Variants in WDR64 observed in about 807,000 individuals in gnomAD.
WDR64 encodes WD repeat domain 64, also known as WD repeat-containing protein 64.
In WDR64, 112 loss-of-function variants were observed where a neutral mutation model predicts 139.3. The observed-to-expected ratio is 0.80, with a 90% CI of 0.69 to 0.94. WDR64 has a LOEUF of 0.94. Among genes scored for constraint, WDR64 ranks in the 40% least tolerant of loss-of-function variants. The pLI, the probability that WDR64 is intolerant of heterozygous loss-of-function variation, is 0.00. For synonymous variants in WDR64, 444 were observed against 437.7 expected, an observed-to-expected ratio of 1.01 and a Z score of -0.18; for missense variants, 1,206 against 1,293.1, an observed-to-expected ratio of 0.93 and a Z score of 1.03.
chr1:241,763,403 T>C (rs1419778373), intron 15 of WDR64, among the ~76,000 whole-genome samples: 1 of 152,204 alleles, frequency 6.6e-6, no homozygotes, highest in Non-Finnish European at 1.5e-5. Context: ...ACTTTAAAAT[T>C]ATAGATTGAA....
At chr1:241,771,798 T>C in intron 19 of WDR64, 101 bp downstream of exon 19, 1 of 597,588 alleles carries the variant, frequency 1.7e-6, no homozygotes, top group South Asian at 6.3e-5. Flanking sequence ...TATTCCTTAA[T>C]ATATAAATTC....
chr1:241,718,788 G>C (rs1161970137), intron 9 of WDR64, among the ~76,000 whole-genome samples: 3 of 152,224 alleles, frequency 2.0e-5, no homozygotes, highest in African/African-American at 7.2e-5. Flanking sequence ...TCTCTTCCTG[G>C]CTTGTAGACA....
rs557773467 is a variant in WDR64 at position 241,725,795 on chromosome 1, C to T, written c.1194+2359C>T. ...CGCTGTGAGTGTAAAATACACAAGA[C>T]TCCAAAGATTCACTATCCCCCCACT... On this transcript the variant is annotated intron_variant, in intron 10 of 27. Coordinates refer to ENST00000437684, the MANE Select transcript of WDR64 (RefSeq NM_001367482.1). Among the ~76,000 whole-genome samples the T allele has an allele frequency of 2.6e-5, 4 of 152,174 alleles. No individual in the cohort carries two copies. In the South Asian group the frequency reaches 8.3e-4, roughly 32 times the overall value.
intron 10 of WDR64, among the ~76,000 whole-genome samples, chr1:241,728,823 CT>C (rs66478639): frequency 0.28 from 41,587 of 148,596 alleles, 5,909 homozygotes; most frequent in South Asian, 0.34. Context: ...TTCTCTTCTT[CT>C]TTTTTTTTTT....
intron 1 of WDR64, among the ~76,000 whole-genome samples, chr1:241,659,722 C>T (rs1665748292): frequency 6.6e-6 from 1 of 151,976 alleles, no homozygotes; most frequent in African/African-American, 2.4e-5. Flanking sequence ...GAGAAGTGTT[C>T]GTTCATGTCC....
chr1:241,717,834 C>T (rs190738318), intron 9 of WDR64, among the ~76,000 whole-genome samples: 1,542 of 152,094 alleles, frequency 0.01, 14 homozygotes, highest in African/African-American at 0.035. Flanking sequence ...TGTATCAGTT[C>T]CTCTCCCCTA....
In WDR64 at chr1:241,656,401, A is replaced by G. The variant is rs1406851425; in HGVS notation, c.145+3772A>G. On this transcript the variant is annotated intron_variant, in intron 1 of 27. Coordinates refer to ENST00000437684, the MANE Select transcript of WDR64 (RefSeq NM_001367482.1). This position sits in a 1 kb window ranked among gnomAD's most constrained non-coding sequence, Gnocchi z 4.3. The stretch of plus-strand genomic sequence containing the variant: ...TCTTGTGAGTGACCTGGGGGAATTA[A>G]TTTTATCCCAGGACAAAGAAAGTCT... Among the ~76,000 whole-genome samples the G allele has an allele frequency of 6.6e-6, 1 of 152,158 alleles. No individual in the cohort carries two copies. Among genetic ancestry groups the G allele is most frequent in the Non-Finnish European group, 1.5e-5 (1 of 68,032 alleles).
intron 21 of WDR64, among the ~76,000 whole-genome samples, chr1:241,776,678 A>G (rs149077546): frequency 1.3e-5 from 2 of 152,336 alleles, no homozygotes; most frequent in African/African-American, 4.8e-5. Context: ...AGTTAAGATC[A>G]GTCAAATTTT....
rs748641787 is a variant in WDR64, at chr1:241,744,423, T to C, written c.1501T>C (p.Tyr501His). Residue 501 changes from tyrosine (Y) to histidine (H), a missense_variant, in exon 13 of 28, where the codon TAC becomes CAC. By Grantham distance (83) the Tyr-to-His change is moderately conservative. Coordinates refer to ENST00000437684, the MANE Select transcript of WDR64 (RefSeq NM_001367482.1). ...GGAACTCGAGACTGGGCTCCAAGTATACCAGATTTTAGAACCTCATGGTTT... is the reference window on the plus strand; with the variant it reads ...GGAACTCGAGACTGGGCTCCAAGTACACCAGATTTTAGAACCTCATGGTTT... The part of the protein sequence containing the change: ...VWELETGLQV[Y>H]QILEPHGFNT... The C allele has an allele frequency of 2.5e-6, 4 of 1,614,156 alleles. No homozygotes were observed. The Admixed American group carries it at 6.7e-5, about 27-fold the overall frequency.
chr1:241,732,830 C>CA (rs1304871475), intron 10 of WDR64, among the ~76,000 whole-genome samples: 2 of 146,086 alleles, frequency 1.4e-5, no homozygotes, highest in Non-Finnish European at 3.0e-5. Flanking sequence ...AAAAAAAAAC[C>CA]AAAAAAACAA....
chr1:241,686,123 A>G (rs1022948961), intron 7 of WDR64, among the ~76,000 whole-genome samples: 3 of 152,258 alleles, frequency 2.0e-5, no homozygotes, highest in Non-Finnish European at 2.9e-5. Context: ...TAAATCATTC[A>G]AGACTACGGT....
Position 241,769,454 on chromosome 1 carries a change from A to G in WDR64, c.2132A>G (p.His711Arg), listed in dbSNP as rs999018425. The G allele has an allele frequency of 6.4e-7, 1 of 1,551,516 alleles. No homozygotes were observed. Among genetic ancestry groups the G allele is most frequent in the Non-Finnish European group, 8.7e-7 (1 of 1,146,970 alleles). The change falls in exon 17 of 28, where the codon CAC becomes CGC. Residue 711 changes from histidine (H) to arginine (R), a missense_variant. Physicochemically the swap from His to Arg is conservative, Grantham distance 29. Coordinates refer to ENST00000437684, the MANE Select transcript of WDR64 (RefSeq NM_001367482.1). ...GTAAACCCTGACTTGCATCCCAAGC[A>G]CTTTAAAATTAATGACATACTGTTC... ...FTVNPDLHPK[H>R]FKINDILFLF...
chr1:241,766,598 G>T (rs1429620963), intron 16 of WDR64, among the ~76,000 whole-genome samples: 1 of 152,162 alleles, frequency 6.6e-6, no homozygotes, highest in Non-Finnish European at 1.5e-5. Context: ...CTAATGGAGA[G>T]GGTGAGGCAT....
chr1:241,673,283 A>T (rs994534481), intron 3 of WDR64, among the ~76,000 whole-genome samples: 1 of 152,112 alleles, frequency 6.6e-6, no homozygotes. Flanking sequence ...ATACATACGT[A>T]ACAAACCTGC....
intron 1 of WDR64, among the ~76,000 whole-genome samples, chr1:241,653,004 A>G (rs1351232066): frequency 6.6e-6 from 1 of 152,216 alleles, no homozygotes; most frequent in African/African-American, 2.4e-5. Flanking sequence ...TAAAGATATC[A>G]TGAGACCATA....
At chr1:241,734,304 C>T (rs937415699) in intron 10 of WDR64, among the ~76,000 whole-genome samples, 1 of 152,076 alleles carries the variant, frequency 6.6e-6, no homozygotes, top group Non-Finnish European at 1.5e-5. Flanking sequence ...TGTGCCCCGA[C>T]CACCTTGGGT....
At chr1:241,689,069 G>A (rs1290662034) in intron 8 of WDR64, among the ~76,000 whole-genome samples, 1 of 152,128 alleles carries the variant, frequency 6.6e-6, no homozygotes, top group Admixed American at 6.6e-5. Flanking sequence ...ACCTCTGGTC[G>A]CACCTAAGAG....
At chr1:241,764,144 C>A (rs141870684) in intron 15 of WDR64, among the ~76,000 whole-genome samples, 10 of 152,144 alleles carry the variant, frequency 6.6e-5, no homozygotes, top group Non-Finnish European at 1.3e-4. Context: ...TGAAGACAAA[C>A]AAATAGGTAG....
Position 241,714,726 on chromosome 1 carries a change from G to A in WDR64, c.1054+2845G>A, listed in dbSNP as rs1668335194. 2.0e-5 allele frequency among the ~76,000 whole-genome samples: 3 copies of A among 152,230 alleles called. No homozygotes were observed. In the South Asian group the frequency reaches 6.2e-4, roughly 32 times the overall value. ...ACAAAGATAATATAGTAGCCTATTG[G>A]CAAGCACAACAAATAAAAACAATGC... is the stretch of plus-strand genomic sequence containing the variant. On this transcript the variant is annotated intron_variant, in intron 9 of 27. Coordinates refer to ENST00000437684, the MANE Select transcript of WDR64 (RefSeq NM_001367482.1).
Sources: allele counts gnomAD v4.1 joint callset (sites outside exome capture counted in the v4.1 genomes callset), GRCh38; gene constraint gnomAD v4.1.1; non-coding constraint Gnocchi (gnomAD v3.1); transcripts MANE v1.5; gene names NCBI Gene and HGNC (gene_info 2026-07-23, HGNC 2026-07-21).